The following TNIK variants were observed in gnomAD, a reference collection of about 807,000 sequenced individuals.
TNIK encodes TRAF2 and NCK interacting kinase.
A neutral mutation model predicts 191.3 loss-of-function variants in TNIK; 49 were observed. That is an observed-to-expected ratio of 0.26 (90% CI 0.20 to 0.32). The LOEUF is 0.32. Ranked by LOEUF, TNIK falls within the 10% of genes least tolerant of loss-of-function variation. The pLI, the probability that TNIK is intolerant of heterozygous loss-of-function variation, is 1.00. For missense variants in TNIK, 1,155 were observed against 1,702.3 expected, an observed-to-expected ratio of 0.68 and a Z score of 5.66; for synonymous variants, 594 against 600.9, an observed-to-expected ratio of 0.99 and a Z score of 0.17.
At chr3:171,076,521 T>C (rs1450396003) in intron 28 of TNIK, among the ~76,000 whole-genome samples, 1 of 152,236 alleles carries the variant, frequency 6.6e-6, no homozygotes, top group Admixed American at 6.5e-5. Flanking sequence ...TCCTTTGAAC[T>C]GAAGGTGTCT....
At chr3:171,303,116 C>G (rs1753057384) in intron 2 of TNIK, among the ~76,000 whole-genome samples, 1 of 152,138 alleles carries the variant, frequency 6.6e-6, no homozygotes, top group South Asian at 2.1e-4. Flanking sequence ...AAGTTTTTAT[C>G]ACACACGTAA....
intron 2 of TNIK, among the ~76,000 whole-genome samples, chr3:171,331,745 T>G (rs1028038635): frequency 1.3e-5 from 2 of 152,180 alleles, no homozygotes; most frequent in Non-Finnish European, 2.9e-5. Context: ...ATGCATGAGA[T>G]CTCAGTTAAA....
intron 1 of TNIK, among the ~76,000 whole-genome samples, chr3:171,430,155 C>T (rs986634741): frequency 1.1e-4 from 17 of 152,032 alleles, no homozygotes. Flanking sequence ...AAATAATATG[C>T]AAAACACCAA....
chr3:171,123,542 T>C, intron 18 of TNIK, 54 bp downstream of exon 18: 2 of 1,411,860 alleles, frequency 1.4e-6, no homozygotes, highest in African/African-American at 1.5e-5. Flanking sequence ...AAAGCAATAA[T>C]GACAATGGTG....
At chr3:171,097,078 T>G (rs963620513) in intron 22 of TNIK, among the ~76,000 whole-genome samples, 2 of 152,218 alleles carry the variant, frequency 1.3e-5, no homozygotes, top group Non-Finnish European at 2.9e-5. Context: ...TATTCAGATA[T>G]ATCATAGAAC....
intron 2 of TNIK, among the ~76,000 whole-genome samples, chr3:171,358,940 C>A (rs983044051): frequency 6.6e-6 from 1 of 151,968 alleles, no homozygotes. Flanking sequence ...GAGATCAGGG[C>A]ATGGGGTGGA....
At chr3:171,106,675 C>G (rs1442382165) in intron 21 of TNIK, 3 of 533,678 alleles carry the variant, frequency 5.6e-6, no homozygotes, top group Non-Finnish European at 1.2e-5. Flanking sequence ...AATAAAGTCA[C>G]TTAACTTTCC....
At chr3:171,082,781 C>T (rs1014442810) in intron 26 of TNIK, 1 of 176,358 alleles carries the variant, frequency 5.7e-6, no homozygotes, top group African/African-American at 2.4e-5. Flanking sequence ...TTCACCCCCA[C>T]CCCTATGCAG....
chr3:171,362,797 C>A (rs902886553), intron 2 of TNIK, among the ~76,000 whole-genome samples: 1 of 152,202 alleles, frequency 6.6e-6, no homozygotes, highest in African/African-American at 2.4e-5. Flanking sequence ...GACTAGGAAT[C>A]CAGCTCAGGC....
intron 2 of TNIK, among the ~76,000 whole-genome samples, chr3:171,354,396 C>T (rs1345448924): frequency 6.6e-6 from 1 of 152,134 alleles, no homozygotes; most frequent in Non-Finnish European, 1.5e-5. Flanking sequence ...GAGCCGTGTT[C>T]CTCAAGGAAA....
At chr3:171,095,533 T>TCTTTTATTTTCATTGTTTC (rs1722596338) in intron 22 of TNIK, among the ~76,000 whole-genome samples, 1 of 152,256 alleles carries the variant, frequency 6.6e-6, no homozygotes, top group Non-Finnish European at 1.5e-5. Context: ...ATCATTTTTT[T>TCTTTTATTTTCATTGTTTC]CTTTTATTTT....
intron 16 of TNIK, among the ~76,000 whole-genome samples, chr3:171,127,124 G>C (rs1728586454): frequency 6.6e-6 from 1 of 151,672 alleles, no homozygotes; most frequent in Non-Finnish European, 1.5e-5. Context: ...ATCCTGGTTG[G>C]GGAAAAAATC....
chr3:171,318,917 T>C (rs1253689872), intron 2 of TNIK, among the ~76,000 whole-genome samples: 1 of 152,178 alleles, frequency 6.6e-6, no homozygotes, highest in East Asian at 1.9e-4. Context: ...GTAATCCCAG[T>C]GCTTTGAGAG....
At chr3:171,294,430 A>G (rs1752031940) in intron 2 of TNIK, among the ~76,000 whole-genome samples, 1 of 151,936 alleles carries the variant, frequency 6.6e-6, no homozygotes, top group African/African-American at 2.4e-5. Context: ...TCTCCAAATA[A>G]TAATAGTAGG....
intron 3 of TNIK, among the ~76,000 whole-genome samples, chr3:171,222,330 C>G (rs1313066616): frequency 1.3e-5 from 2 of 152,148 alleles, no homozygotes; most frequent in African/African-American, 4.8e-5. Flanking sequence ...GCTGTCAATT[C>G]CTTTGTAAAA....
rs71634497 is a variant in TNIK at position 171,327,900 on chromosome 3, TAAAAAAAAAAAA to T, written c.123+41708_123+41719del. ...ATCTGTGGCTCCCAAACCTGGCTCA[TAAAAAAAAAAAA>T]AAAAAAAAAAAAAAAAAAATCACTT... On this transcript the variant is annotated intron_variant, in intron 2 of 32. Transcript: ENST00000436636. Among the ~76,000 whole-genome samples, 240 of 79,626 alleles carry T rather than the reference TAAAAAAAAAAAA, an allele frequency of 3.0e-3. 1 individual carries two copies. The highest frequency in any genetic ancestry group is 9.5e-3 in the East Asian group (17 of 1,786). 52.2% of individuals were successfully genotyped at this position (79,626 alleles called of 152,430 possible).
chr3:171,150,738 C>T (rs1041434577), intron 12 of TNIK, among the ~76,000 whole-genome samples: 10 of 152,160 alleles, frequency 6.6e-5, no homozygotes, highest in African/African-American at 1.2e-4. Flanking sequence ...AAGAATGGGC[C>T]GCCTCCTTGT....
intron 3 of TNIK, among the ~76,000 whole-genome samples, chr3:171,213,304 G>T (rs1004384979): frequency 1.3e-5 from 2 of 151,882 alleles, no homozygotes. Context: ...TAGAAAGGGA[G>T]AAAAACGACC....
chr3:171,352,243 A>G (rs1713323147), intron 2 of TNIK, among the ~76,000 whole-genome samples: 2 of 152,214 alleles, frequency 1.3e-5, no homozygotes, highest in Admixed American at 1.3e-4. Context: ...GTTCTCATCC[A>G]GGGTGATCCA....
Sources: allele counts gnomAD v4.1 joint callset (sites outside exome capture counted in the v4.1 genomes callset), GRCh38; gene constraint gnomAD v4.1.1; transcripts MANE v1.5; gene names NCBI Gene and HGNC (gene_info 2026-07-23, HGNC 2026-07-21).